SLC24A4: variants seen among roughly 807,000 people sequenced by gnomAD.
The protein encoded by SLC24A4 is sodium/potassium/calcium exchanger 4.
SLC24A4 carries 53 observed loss-of-function variants against 79.0 expected under a neutral mutation model. The ratio of observed to expected loss-of-function variants is 0.67; its 90% CI spans 0.54 to 0.84. The LOEUF (loss-of-function observed/expected upper bound fraction) is 0.84. SLC24A4 is among the 40% of genes least tolerant of loss of function. The pLI is 0.00. For missense variants in SLC24A4, 731 were observed against 822.0 expected (o/e 0.89, Z 1.35); for synonymous variants, 323 against 323.8 (o/e 1.00, Z 0.03).
chr14:92,431,866 C>T (rs1047785823), intron 2 of SLC24A4, among the ~76,000 whole-genome samples: 1 of 152,194 alleles, frequency 6.6e-6, no homozygotes, highest in African/African-American at 2.4e-5. Flanking sequence ...GACAGTGTGG[C>T]GTGATTTCCA....
chr14:92,423,706 G>A (rs1891413183), intron 2 of SLC24A4, among the ~76,000 whole-genome samples: 1 of 152,208 alleles, frequency 6.6e-6, no homozygotes, highest in South Asian at 2.1e-4. Flanking sequence ...GTTTGGTAAA[G>A]ACTCAAAGTC....
intron 2 of SLC24A4, among the ~76,000 whole-genome samples, chr14:92,380,444 C>T (rs916936569): frequency 6.6e-6 from 1 of 152,164 alleles, no homozygotes; most frequent in African/African-American, 2.4e-5. Context: ...CCCTTAGATC[C>T]ATACTGGGCT....
chr14:92,488,229 A>C (rs1414646527), intron 14 of SLC24A4, among the ~76,000 whole-genome samples: 10 of 150,290 alleles, frequency 6.7e-5, no homozygotes, highest in African/African-American at 2.4e-4. Flanking sequence ...ATGCCACCAC[A>C]CCCAGCTAAT....
intron 2 of SLC24A4, among the ~76,000 whole-genome samples, chr14:92,416,176 A>G (rs1890976884): frequency 6.6e-6 from 1 of 151,256 alleles, no homozygotes; most frequent in Admixed American, 6.6e-5. Flanking sequence ...TTGTGGTGTC[A>G]GCGTTTCTAG....
intron 12 of SLC24A4, among the ~76,000 whole-genome samples, chr14:92,461,657 T>C (rs1893816582): frequency 6.6e-6 from 1 of 152,202 alleles, no homozygotes; most frequent in South Asian, 2.1e-4. Context: ...CTAAAAGCTC[T>C]ATCTCCAAAT....
At chr14:92,369,533 G>T (rs555368486) in intron 2 of SLC24A4, among the ~76,000 whole-genome samples, 2 of 152,128 alleles carry the variant, frequency 1.3e-5, no homozygotes, top group African/African-American at 4.8e-5. Context: ...ATCCAGAACC[G>T]GAAAAAATAA....
chr14:92,483,882 A>G lies in SLC24A4; in HGVS notation c.1422+1036A>G, dbSNP rs907067701. On this transcript the variant is annotated intron_variant, in intron 13 of 16. Coordinates refer to ENST00000532405, the MANE Select transcript of SLC24A4 (RefSeq NM_153646.4). ...AGCAGAGAAGGCAAGCGATCTTGAC[A>G]TGAGAGACAGCAGGGCCAGTAAACG... is the stretch of plus-strand genomic sequence containing the variant. 1.4e-5 allele frequency: 18 copies of G among 1,288,630 alleles called. No homozygotes were observed. In the African/African-American group the frequency reaches 2.4e-4, roughly 17 times the overall value. 79.8% of individuals were successfully genotyped at this position (1,288,630 alleles called of 1,614,324 possible).
chr14:92,443,349 C>A (rs1892609041), intron 6 of SLC24A4, 51 bp from the exon 7 acceptor site: 2 of 1,576,718 alleles, frequency 1.3e-6, no homozygotes, highest in Non-Finnish European at 1.7e-6. Context: ...CAGCTGCACC[C>A]CCTCCCCGCT....
intron 12 of SLC24A4, among the ~76,000 whole-genome samples, chr14:92,474,190 G>A (rs1894587173): frequency 6.6e-6 from 1 of 152,182 alleles, no homozygotes; most frequent in African/African-American, 2.4e-5. Flanking sequence ...GCTTTTAGAT[G>A]GTGATGATCA....
chr14:92,429,222 G>A (rs988749530), intron 2 of SLC24A4, among the ~76,000 whole-genome samples: 2 of 152,144 alleles, frequency 1.3e-5, no homozygotes, highest in Admixed American at 1.3e-4. Flanking sequence ...GGTGCAGGGA[G>A]GGGTGATTAC....
At chr14:92,462,248 T>A (rs750102548) in intron 12 of SLC24A4, 6 of 152,192 alleles carry the variant, frequency 3.9e-5, no homozygotes, top group Non-Finnish European at 8.8e-5. Context: ...CAGCCTGCAA[T>A]GCAATTTGGC....
intron 11 of SLC24A4, 129 bp downstream of exon 11, chr14:92,454,198 G>T: frequency 2.1e-6 from 2 of 939,982 alleles, no homozygotes; most frequent in Non-Finnish European, 3.1e-6. Context: ...GCCTCCAGAA[G>T]CCTGCCCATC....
At chr14:92,399,194 A>G (rs539042280) in intron 2 of SLC24A4, among the ~76,000 whole-genome samples, 37 of 152,304 alleles carry the variant, frequency 2.4e-4, no homozygotes, top group South Asian at 4.1e-4. Flanking sequence ...AGAAAAGAAC[A>G]TGTTGTTAAT....
intron 12 of SLC24A4, among the ~76,000 whole-genome samples, chr14:92,478,503 A>T (rs1231936808): frequency 6.6e-6 from 1 of 152,180 alleles, no homozygotes; most frequent in Non-Finnish European, 1.5e-5. Flanking sequence ...ATGCCAGTAA[A>T]TGTCGAGTCC....
chr14:92,479,424 G>C (rs1353629295), intron 12 of SLC24A4, among the ~76,000 whole-genome samples: 1 of 152,150 alleles, frequency 6.6e-6, no homozygotes, highest in Non-Finnish European at 1.5e-5. Flanking sequence ...AAAGAGTGTT[G>C]AATTTTGTCA....
intron 2 of SLC24A4, among the ~76,000 whole-genome samples, chr14:92,408,203 T>TGTGTGTGTGTGTGTGTGTGTG (rs1335462715): frequency 1.0e-5 from 1 of 98,012 alleles, no homozygotes; most frequent in Non-Finnish European, 2.3e-5. Context: ...GTGTGTGTGT[T>TGTGTGTGTGTGTGTGTGTGTG]TCACATCCAC....
At chr14:92,417,140 A>G (rs1355187643) in intron 2 of SLC24A4, among the ~76,000 whole-genome samples, 8 of 152,218 alleles carry the variant, frequency 5.3e-5, no homozygotes, top group African/African-American at 9.6e-5. Context: ...TACAAGGACC[A>G]TGTACAGTCA....
chr14:92,323,819 A>G lies in SLC24A4; in HGVS notation c.-12A>G. 1 of 1,560,664 alleles carries G rather than the reference A, an allele frequency of 6.4e-7. No homozygotes were observed. Among genetic ancestry groups the G allele is most frequent in the East Asian group, 2.3e-5 (1 of 43,178 alleles). ...CCATCCTCTCCCAGAGACGGCACCC[A>G]GGCGCTCCGGGATGGCGCTCCGCGG... is the stretch of plus-strand genomic sequence containing the variant. On this transcript the variant is annotated 5_prime_UTR_variant, in exon 1 of 17. Transcript: ENST00000532405. This position sits in a 1 kb window ranked among gnomAD's most constrained non-coding sequence, Gnocchi z 4.9.
chr14:92,424,447 C>T (rs1041056441), intron 2 of SLC24A4, among the ~76,000 whole-genome samples: 2 of 152,082 alleles, frequency 1.3e-5, no homozygotes, highest in African/African-American at 4.8e-5. Context: ...GGGTATCTGC[C>T]TCTGGTGAGG....
Sources: allele counts gnomAD v4.1 joint callset (sites outside exome capture counted in the v4.1 genomes callset), GRCh38; gene constraint gnomAD v4.1.1; non-coding constraint Gnocchi (gnomAD v3.1); transcripts MANE v1.5; gene names NCBI Gene and HGNC (gene_info 2026-07-23, HGNC 2026-07-21).